The following IKZF5 variants were observed in gnomAD, a reference collection of about 807,000 sequenced individuals.
IKZF5 encodes the protein zinc finger protein Pegasus.
In IKZF5, 4 loss-of-function variants were observed where a neutral mutation model predicts 30.7. The ratio of observed to expected loss-of-function variants is 0.13; its 90% confidence interval spans 0.06 to 0.30. The LOEUF (loss-of-function observed/expected upper bound fraction) is 0.30, where lower values mean the gene tolerates loss of function less well. Among genes scored for constraint, IKZF5 ranks in the 10% least tolerant of loss-of-function variants. IKZF5 has a pLI of 1.00. For missense variants in IKZF5, 348 were observed against 525.5 expected (o/e 0.66, Z 3.30); for synonymous variants, 148 against 179.6 (o/e 0.82, Z 1.41).
chr10:123,000,781 T>C (rs1849553354), intron 2 of IKZF5, among the ~76,000 whole-genome samples: 1 of 152,230 alleles, frequency 6.6e-6, no homozygotes, highest in African/African-American at 2.4e-5. Flanking sequence ...TCACATTACT[T>C]TTAATTTACA....
intron 2 of IKZF5, among the ~76,000 whole-genome samples, chr10:123,002,786 TAAAA>T (rs371495279): frequency 1.7e-5 from 2 of 117,078 alleles, no homozygotes; most frequent in East Asian, 2.6e-4. Flanking sequence ...AGACTCCGTC[TAAAA>T]AAAAAAAAAA....
At chr10:123,002,717 G>C (rs1849634718) in intron 2 of IKZF5, among the ~76,000 whole-genome samples, 1 of 151,174 alleles carries the variant, frequency 6.6e-6, no homozygotes, top group African/African-American at 2.4e-5. Flanking sequence ...GAACCCAGGA[G>C]GTGGAGGCTG....
intron 2 of IKZF5, among the ~76,000 whole-genome samples, chr10:123,002,786 TAAA>T (rs371495279): frequency 2.6e-5 from 3 of 117,070 alleles, no homozygotes; most frequent in Admixed American, 8.9e-5. Flanking sequence ...AGACTCCGTC[TAAA>T]AAAAAAAAAA....
rs1196479439 is a variant in IKZF5, at chr10:122,992,543, A to C, written c.*1237T>G. The stretch of plus-strand genomic sequence containing the variant: ...AATAGCCTCCTATTCAAAATGAATT[A>C]CTCTATATTTAGTAAGTCTTATTTT... On this transcript the variant is annotated 3_prime_UTR_variant, in exon 5 of 5. Transcript: ENST00000368886. 6.6e-6 allele frequency: 1 copy of C among 152,150 alleles called. No individual in the cohort carries two copies. Among genetic ancestry groups the C allele is most frequent in the Non-Finnish European group, 1.5e-5 (1 of 68,000 alleles). The allele number at this position is 152,150 out of a possible 1,614,324, so 9.4% of individuals were successfully genotyped here.
Position 122,994,408 on chromosome 10 carries a change from T to C in IKZF5, c.632A>G (p.Tyr211Cys), listed in dbSNP as rs1212349250. ...PPSMVVQKPD[Y>C]LNDFTHEIPN... ...GATTTCGTGGGTAAAATCGTTAAGG[T>C]AGTCTGGTTTCTGAACCACCATGGA... The change falls in exon 5 of 5, where the codon TAC becomes TGC. Residue 211 changes from tyrosine (Y) to cysteine (C), a missense_variant. This residue lies in a region of IKZF5 where 176 missense variants were observed against 198.2 expected (regional missense o/e 0.89). Coordinates refer to ENST00000368886, the MANE Select transcript of IKZF5 (RefSeq NM_001372123.1). The surrounding 1 kb of genome is among the most constrained non-coding windows in gnomAD (Gnocchi z 5.6). 6.2e-7 allele frequency: 1 copy of C among 1,614,084 alleles called. No individual in the cohort carries two copies.
Position 122,998,710 on chromosome 10 carries a change from T to C in IKZF5, c.-46-39A>G, listed in dbSNP as rs1167391541. The C allele has an allele frequency of 5.1e-6, 6 of 1,172,646 alleles. No homozygotes were observed. The African/African-American group carries it at 9.2e-5, about 18-fold the overall frequency. 72.6% of individuals were successfully genotyped at this position (1,172,646 alleles called of 1,614,324 possible). On this transcript the variant is annotated intron_variant, in intron 2 of 4. Transcript: ENST00000368886. ...ACACTATTTAGGGAGATCTAGTACA[T>C]AGCAAACAAATGACAAAAGCTATTT... is the stretch of plus-strand genomic sequence containing the variant.
chr10:122,994,181 T>C lies in IKZF5; in HGVS notation c.859A>G (p.Met287Val). The stretch of plus-strand genomic sequence containing the variant: ...GCTTGGGTAGAGGGCTGCTGAATCA[T>C]GAAAGGCTTTTCATCAGGGCAGGGA... ...VVPCPDEKPF[M>V]IQQPSTQAVV... The change falls in exon 5 of 5, where the codon ATG becomes GTG. Residue 287 changes from methionine (M) to valine (V), a missense_variant. Coordinates refer to ENST00000368886, the MANE Select transcript of IKZF5 (RefSeq NM_001372123.1). This position sits in a 1 kb window ranked among gnomAD's most constrained non-coding sequence, Gnocchi z 5.6. 1 of 1,614,138 alleles carries C rather than the reference T, an allele frequency of 6.2e-7. No individual in the cohort carries two copies. Among genetic ancestry groups the C allele is most frequent in the Non-Finnish European group, 8.5e-7 (1 of 1,180,028 alleles).
chr10:123,000,046 T>C (rs563353729), intron 2 of IKZF5, among the ~76,000 whole-genome samples: 19 of 152,260 alleles, frequency 1.2e-4, no homozygotes, highest in Non-Finnish European at 2.4e-4. Context: ...AATTACTCAC[T>C]TTCAGCATAT....
Position 122,994,011 on chromosome 10 carries a change from T to C in IKZF5, c.1029A>G (p.Ile343Met), listed in dbSNP as rs1564735264. ...EPSAHTSTPS[I>M]GNSQPSTPAP... is the part of the protein sequence containing the mutation. Reference sequence around the variant, plus strand: ...CTGGGGTGCTTGGCTGGCTGTTTCCTATGCTGGGAGTGCTCGTGTGGGCAC... The same window carrying C: ...CTGGGGTGCTTGGCTGGCTGTTTCCCATGCTGGGAGTGCTCGTGTGGGCAC... The change falls in exon 5 of 5, where the codon ATA becomes ATG. Residue 343 changes from isoleucine to methionine, a missense_variant. Ile to Met is a conservative substitution (Grantham distance 10). This residue lies in a region of IKZF5 where 56 missense variants were observed against 104.7 expected (regional missense o/e 0.53). Transcript: ENST00000368886. The surrounding 1 kb of genome is among the most constrained non-coding windows in gnomAD (Gnocchi z 5.6). 6.2e-7 allele frequency: 1 copy of C among 1,614,118 alleles called. No individual in the cohort carries two copies. Among genetic ancestry groups the C allele is most frequent in the Non-Finnish European group, 8.5e-7 (1 of 1,180,000 alleles).
intron 2 of IKZF5, among the ~76,000 whole-genome samples, chr10:123,001,837 T>G (rs545080330): frequency 6.6e-6 from 1 of 152,162 alleles, no homozygotes; most frequent in Non-Finnish European, 1.5e-5. Context: ...AACTGTAGGG[T>G]TGAGGAATGA....
At chr10:122,996,678 T>G (rs1487746017) in intron 3 of IKZF5, among the ~76,000 whole-genome samples, 2 of 152,228 alleles carry the variant, frequency 1.3e-5, no homozygotes, top group East Asian at 3.8e-4. Context: ...TACTCCAGCC[T>G]GGGCGACAGA....
Position 122,997,666 on chromosome 10 carries a change from T to C in IKZF5, c.133+827A>G, listed in dbSNP as rs574618620. 2.5e-3 allele frequency among the ~76,000 whole-genome samples: 378 copies of C among 152,280 alleles called. 3 individuals are homozygous for C. Among genetic ancestry groups the C allele is most frequent in the African/African-American group, 8.7e-3 (363 of 41,534 alleles). On this transcript the variant is annotated intron_variant, in intron 3 of 4. Transcript: ENST00000368886. Reference sequence around the variant, plus strand: ...TTTTCTATAGGCATGAAATAGTAAATACTTCAGGCTTTGTGGGCCATATGG... The same window carrying C: ...TTTTCTATAGGCATGAAATAGTAAACACTTCAGGCTTTGTGGGCCATATGG...
chr10:123,001,550 A>G (rs1260299029), intron 2 of IKZF5, among the ~76,000 whole-genome samples: 1 of 152,124 alleles, frequency 6.6e-6, no homozygotes, highest in Non-Finnish European at 1.5e-5. Flanking sequence ...TTTTCCAAAG[A>G]GATATCCAAC....
chr10:123,002,423 G>A (rs940422372), intron 2 of IKZF5, among the ~76,000 whole-genome samples: 1 of 151,724 alleles, frequency 6.6e-6, no homozygotes, highest in Non-Finnish European at 1.5e-5. Flanking sequence ...GGTAGGCTGA[G>A]GCAGGAGAAT....
rs376998630 is a variant in IKZF5, at chr10:122,993,892, A to G, written c.1148T>C (p.Met383Thr). The change falls in exon 5 of 5, where the codon ATG (methionine) becomes ACG (threonine). Residue 383 changes from methionine (M) to threonine (T), a missense_variant. Met to Thr is a moderately conservative substitution (Grantham distance 81, BLOSUM62 -1). Around this residue, in one of 4 missense-constraint regions of IKZF5, gnomAD observed 56 missense variants for 104.7 expected, o/e 0.53. Coordinates refer to ENST00000368886, the MANE Select transcript of IKZF5 (RefSeq NM_001372123.1). ...AGGATTTTCATACCCATGACATCCC[A>G]TATGAATAGTGTAAAGGATGTTGTC... ...FADNILYTIH[M>T]GCHGYENPFQ... 1.9e-6 allele frequency: 3 copies of G among 1,613,940 alleles called. No homozygotes were observed. Among genetic ancestry groups the G allele is most frequent in the Non-Finnish European group, 2.5e-6 (3 of 1,179,782 alleles).
chr10:123,004,056 A>C (rs1343798062), intron 2 of IKZF5, among the ~76,000 whole-genome samples: 1 of 151,784 alleles, frequency 6.6e-6, no homozygotes, highest in Admixed American at 6.6e-5. Context: ...TTGTGACTAC[A>C]GTTGATTGTG....
chr10:123,004,582 T>C (rs1384318554), intron 2 of IKZF5, among the ~76,000 whole-genome samples: 4 of 151,852 alleles, frequency 2.6e-5, no homozygotes, highest in African/African-American at 7.3e-5. Flanking sequence ...ACTGTGTTCC[T>C]TGCCATAAAT....
rs1302381315 is a variant in IKZF5, at chr10:122,993,921, A to G, written c.1119T>C (p.Phe373=). The G allele has an allele frequency of 1.2e-6, 2 of 1,614,202 alleles. No individual in the cohort carries two copies. ...LHHCQHCDMY[F]ADNILYTIHM... The stretch of plus-strand genomic sequence containing the variant: ...GAATAGTGTAAAGGATGTTGTCTGC[A>G]AAGTACATATCACAGTGCTGGCAGT... The change falls in exon 5 of 5, where the codon TTT becomes TTC. Residue 373 remains phenylalanine, a synonymous_variant. Coordinates refer to ENST00000368886, the MANE Select transcript of IKZF5 (RefSeq NM_001372123.1).
Position 122,991,753 on chromosome 10 carries a change from T to C in IKZF5, c.*2027A>G, listed in dbSNP as rs1257798529. 3 of 152,194 alleles carry C rather than the reference T, an allele frequency of 2.0e-5. No individual in the cohort carries two copies. The highest frequency in any genetic ancestry group is 4.4e-5 in the Non-Finnish European group (3 of 68,014). 9.4% of individuals were successfully genotyped at this position (152,194 alleles called of 1,614,324 possible). A position where few individuals can be genotyped will look rare whatever the true frequency, so the allele number is the denominator to read the frequency against. On this transcript the variant is annotated 3_prime_UTR_variant, in exon 5 of 5. Coordinates refer to ENST00000368886, the MANE Select transcript of IKZF5 (RefSeq NM_001372123.1). ...GCAAAATTATAATTTTACATTCTAG[T>C]ATGTAATTATGAAAAAAATCTTTTC...
Sources: gnomAD v4.1 joint callset for allele counts (sites outside exome capture counted in the v4.1 genomes callset) on GRCh38, gnomAD v4.1.1 for gene constraint, gnomAD v4.1.1 regional missense constraint, Gnocchi (gnomAD v3.1) non-coding constraint, MANE v1.5 for transcripts, NCBI Gene and HGNC (gene_info 2026-07-23, HGNC 2026-07-21) for gene names.